Variants in ADCY2 observed in about 807,000 individuals in gnomAD.
The protein encoded by ADCY2 is adenylate cyclase 2, also known as adenylate cyclase type 2.
ADCY2 carries 31 observed loss-of-function variants against 125.2 expected under a neutral mutation model. That is an observed-to-expected ratio of 0.25 (90% CI 0.19 to 0.33). The LOEUF (loss-of-function observed/expected upper bound fraction) is 0.33. ADCY2 is among the 10% of genes least tolerant of loss of function. The probability of loss-of-function intolerance (pLI) is 1.00; values close to 1 mark genes in which losing one functional copy is unlikely to be tolerated. For missense variants in ADCY2, 904 were observed against 1,418.2 expected (o/e 0.64, Z 5.82); for synonymous variants, 512 against 548.4 (o/e 0.93, Z 0.93).
Position 7,469,874 on chromosome 5 carries a change from C to A in ADCY2, c.409-50864C>A, listed in dbSNP as rs751827543. Reference sequence around the variant, plus strand: ...TTATTTATTTTTTTATTTATTCATTCTTTTTTTCTGATTTGGTAAGGCTTT... The same window carrying A: ...TTATTTATTTTTTTATTTATTCATTATTTTTTTCTGATTTGGTAAGGCTTT... On this transcript the variant is annotated intron_variant, in intron 2 of 24. Coordinates refer to ENST00000338316, the MANE Select transcript of ADCY2 (RefSeq NM_020546.3). Among the ~76,000 whole-genome samples, 19 of 151,440 alleles carry A rather than the reference C, an allele frequency of 1.3e-4. No individual in the cohort carries two copies. The East Asian group carries it at 2.7e-3, about 22-fold the overall frequency.
chr5:7,528,401 A>T (rs1438926775), intron 3 of ADCY2, among the ~76,000 whole-genome samples: 1 of 137,492 alleles, frequency 7.3e-6, no homozygotes. Flanking sequence ...TCATGTTGGT[A>T]ACTAACAATT....
chr5:7,730,185 C>T (rs541726325), intron 14 of ADCY2, among the ~76,000 whole-genome samples: 3 of 152,164 alleles, frequency 2.0e-5, no homozygotes, highest in Admixed American at 1.3e-4. Context: ...GCTTCCAGCT[C>T]CAACCAAGTT....
rs537752440 is a variant in ADCY2 at position 7,409,088 on chromosome 5, A to G, written c.211-5485A>G. 2.6e-5 allele frequency among the ~76,000 whole-genome samples: 4 copies of G among 152,356 alleles called. No homozygotes were observed. In the South Asian group the frequency reaches 8.3e-4, roughly 32 times the overall value. ...GATCATGTCCATTGCAGGGACATAG[A>G]TGGAGCTGGAGCCCATTATACTTAG... On this transcript the variant is annotated intron_variant, in intron 1 of 24. Transcript: ENST00000338316.
At chr5:7,591,377 G>A (rs577491372) in intron 3 of ADCY2, among the ~76,000 whole-genome samples, 1 of 152,152 alleles carries the variant, frequency 6.6e-6, no homozygotes, top group Non-Finnish European at 1.5e-5. Flanking sequence ...TCACATTTAT[G>A]ATTCTGCACA....
chr5:7,435,981 G>A (rs1740785485), intron 2 of ADCY2, among the ~76,000 whole-genome samples: 2 of 152,232 alleles, frequency 1.3e-5, no homozygotes, highest in Middle Eastern at 6.8e-3. Flanking sequence ...GAGTCAGAAT[G>A]GAGTGAAAAT....
chr5:7,703,852 A>G lies in ADCY2; in HGVS notation c.1110-2892A>G, dbSNP rs1741171116. Among the ~76,000 whole-genome samples, 3 of 151,994 alleles carry G rather than the reference A, an allele frequency of 2.0e-5. No homozygotes were observed. The South Asian group carries it at 6.2e-4, about 31-fold the overall frequency. On this transcript the variant is annotated intron_variant, in intron 7 of 24. Transcript: ENST00000338316. ...TTTCCCTGTTTCTACAAAAATACAA[A>G]AATTAGCCAGGCCTGGTGGTGCACG...
chr5:7,532,642 C>T (rs999318991), intron 3 of ADCY2, among the ~76,000 whole-genome samples: 1 of 152,008 alleles, frequency 6.6e-6, no homozygotes, highest in African/African-American at 2.4e-5. Context: ...TATTTAGGGA[C>T]TCCTTTGTTT....
intron 22 of ADCY2, among the ~76,000 whole-genome samples, chr5:7,805,450 G>C (rs1744730930): frequency 1.3e-5 from 2 of 152,156 alleles, no homozygotes; most frequent in Admixed American, 1.3e-4. Context: ...TCTCGTGTGT[G>C]TGTGTGTGAG....
intron 3 of ADCY2, among the ~76,000 whole-genome samples, chr5:7,617,135 C>T (rs994926249): frequency 6.6e-6 from 1 of 152,056 alleles, no homozygotes; most frequent in Non-Finnish European, 1.5e-5. Context: ...CTTTTGTGTT[C>T]TGCCATGGGA....
intron 2 of ADCY2, among the ~76,000 whole-genome samples, chr5:7,434,048 G>C (rs928240970): frequency 6.6e-6 from 1 of 152,180 alleles, no homozygotes; most frequent in African/African-American, 2.4e-5. Context: ...ATCTCCTCAT[G>C]ACGTCAATAC....
intron 5 of ADCY2, among the ~76,000 whole-genome samples, chr5:7,693,073 G>T (rs73047979): frequency 0.053 from 8,064 of 152,174 alleles, 701 homozygotes; most frequent in African/African-American, 0.18. Context: ...CCAGAAACAG[G>T]ATCTTCATTT....
At chr5:7,464,583 A>G (rs1404375541) in intron 2 of ADCY2, among the ~76,000 whole-genome samples, 2 of 152,132 alleles carry the variant, frequency 1.3e-5, no homozygotes, top group African/African-American at 4.8e-5. Context: ...AGGGGAACCA[A>G]TAAGGTCAGT....
chr5:7,492,009 G>A (rs1743181790), intron 2 of ADCY2, among the ~76,000 whole-genome samples: 1 of 152,242 alleles, frequency 6.6e-6, no homozygotes, highest in African/African-American at 2.4e-5. Flanking sequence ...CCCTGAAAGA[G>A]CACAGGTGTC....
intron 4 of ADCY2, among the ~76,000 whole-genome samples, chr5:7,677,074 C>T (rs145430277): frequency 1.8e-3 from 271 of 152,084 alleles, no homozygotes; most frequent in African/African-American, 6.2e-3. Flanking sequence ...GTCAGGAGTT[C>T]GAGACCAGAC....
chr5:7,808,904 G>T (rs191606443), intron 22 of ADCY2, among the ~76,000 whole-genome samples: 2 of 152,212 alleles, frequency 1.3e-5, no homozygotes, highest in East Asian at 1.9e-4. Context: ...AGCCACTGTT[G>T]TTAACACATG....
At chr5:7,468,508 G>A (rs2126452202) in intron 2 of ADCY2, among the ~76,000 whole-genome samples, 1 of 152,186 alleles carries the variant, frequency 6.6e-6, no homozygotes, top group East Asian at 1.9e-4. Context: ...ATGATTCTGT[G>A]ATTGTTTTTT....
intron 2 of ADCY2, among the ~76,000 whole-genome samples, chr5:7,469,951 C>T (rs1742276407): frequency 6.6e-6 from 1 of 151,510 alleles, no homozygotes; most frequent in Non-Finnish European, 1.5e-5. Flanking sequence ...TCTCTCCAGA[C>T]CCATCTTATT....
chr5:7,615,962 G>A (rs541408195), intron 3 of ADCY2, among the ~76,000 whole-genome samples: 1 of 152,240 alleles, frequency 6.6e-6, no homozygotes, highest in Non-Finnish European at 1.5e-5. Context: ...GATTATTTAA[G>A]AATGAAATAA....
intron 3 of ADCY2, among the ~76,000 whole-genome samples, chr5:7,581,830 A>AG (rs1307857177): frequency 6.6e-6 from 1 of 152,014 alleles, no homozygotes; most frequent in Middle Eastern, 3.4e-3. Context: ...AAAAAAAAAA[A>AG]AAAAAGAAAA....
Sources: allele counts gnomAD v4.1 joint callset (sites outside exome capture counted in the v4.1 genomes callset), GRCh38; gene constraint gnomAD v4.1.1; transcripts MANE v1.5; gene names NCBI Gene and HGNC (gene_info 2026-07-23, HGNC 2026-07-21).